CCDC15: variants seen among roughly 807,000 people sequenced by gnomAD.
The protein encoded by CCDC15 is coiled-coil domain containing 15.
A neutral mutation model predicts 114.5 loss-of-function variants in CCDC15; 105 were observed. The observed-to-expected ratio is 0.92, with a 90% confidence interval of 0.78 to 1.08. The LOEUF (loss-of-function observed/expected upper bound fraction) is 1.08. Ranked by LOEUF, CCDC15 falls within the 50% of genes least tolerant of loss-of-function variation. CCDC15 has a pLI of 0.00. For missense variants in CCDC15, 1,105 were observed against 1,093.6 expected (o/e 1.01, Z -0.15); for synonymous variants, 334 against 377.8 (o/e 0.88, Z 1.34).
At chr11:125,022,547 C>T (rs1382348266) in intron 13 of CCDC15, among the ~76,000 whole-genome samples, 5 of 152,024 alleles carry the variant, frequency 3.3e-5, no homozygotes, top group Admixed American at 3.3e-4. Flanking sequence ...GACTTGGTTT[C>T]ACAAATACCA....
chr11:125,038,915 G>A lies in CCDC15; in HGVS notation c.2586-6G>A. 1 of 1,608,400 alleles carries A rather than the reference G, an allele frequency of 6.2e-7. No homozygotes were observed. The highest frequency in any genetic ancestry group is 1.1e-5 in the South Asian group (1 of 89,918). The stretch of plus-strand genomic sequence containing the variant: ...CACTTTGCCTGATTATACTTTATTT[G>A]TACAGATATGTAGAAGCTTTACGAG... On this transcript the variant is annotated splice_region_variant and splice_polypyrimidine_tract_variant and intron_variant, in intron 14 of 15. Coordinates refer to ENST00000344762, the MANE Select transcript of CCDC15 (RefSeq NM_025004.3).
intron 13 of CCDC15, among the ~76,000 whole-genome samples, chr11:125,020,693 T>C (rs78011755): frequency 0.044 from 6,700 of 152,036 alleles, 177 homozygotes; most frequent in Middle Eastern, 0.065. Context: ...AACGGATAAA[T>C]TGACATATTG....
At chr11:124,973,523 T>G (rs1316186162) in intron 4 of CCDC15, among the ~76,000 whole-genome samples, 1 of 152,032 alleles carries the variant, frequency 6.6e-6, no homozygotes, top group Non-Finnish European at 1.5e-5. Context: ...GTTATAGACC[T>G]CTGAAAACAA....
At chr11:125,035,581 TATC>T (rs1295715419) in intron 13 of CCDC15, among the ~76,000 whole-genome samples, 4 of 152,110 alleles carry the variant, frequency 2.6e-5, no homozygotes, top group Admixed American at 6.6e-5. Flanking sequence ...CATTCAATGT[TATC>T]ATTGTTAAGT....
intron 13 of CCDC15, among the ~76,000 whole-genome samples, chr11:125,014,757 A>C (rs976228547): frequency 6.6e-6 from 1 of 152,152 alleles, no homozygotes; most frequent in Non-Finnish European, 1.5e-5. Context: ...CAGCACAACC[A>C]CTTTGGAAAA....
At chr11:124,959,285 G>C (rs778550545) in intron 3 of CCDC15, 21 bp downstream of exon 3, 2 of 1,545,370 alleles carry the variant, frequency 1.3e-6, no homozygotes, top group East Asian at 2.3e-5. Flanking sequence ...AAGTGAGCCT[G>C]AGTAAAGATT....
At chr11:125,004,970 A>T in intron 12 of CCDC15, 139 bp from the exon 13 acceptor site, 1 of 485,554 alleles carries the variant, frequency 2.1e-6, no homozygotes, top group Non-Finnish European at 3.7e-6. Flanking sequence ...GAAGGAAATT[A>T]AAGACTTAAT....
intron 8 of CCDC15, among the ~76,000 whole-genome samples, chr11:124,989,060 A>G (rs929457453): frequency 2.2e-4 from 34 of 152,364 alleles, no homozygotes; most frequent in Middle Eastern, 3.4e-3. Flanking sequence ...GAGGGTATCA[A>G]CTTACTTTGC....
intron 13 of CCDC15, among the ~76,000 whole-genome samples, chr11:125,032,107 T>C (rs951274368): frequency 2.6e-5 from 4 of 152,204 alleles, no homozygotes; most frequent in African/African-American, 9.6e-5. Context: ...ATAAATTCAG[T>C]GTGTTTGCTA....
chr11:124,993,052 G>A, intron 10 of CCDC15, 117 bp from the exon 11 acceptor site: 1 of 643,350 alleles, frequency 1.6e-6, no homozygotes, highest in East Asian at 2.8e-5. Flanking sequence ...CTTTAACTGT[G>A]TTCTATTATC....
intron 13 of CCDC15, among the ~76,000 whole-genome samples, chr11:125,025,273 T>C (rs1368495299): frequency 1.3e-5 from 2 of 150,762 alleles, no homozygotes; most frequent in African/African-American, 2.4e-5. Flanking sequence ...TAATAATGTA[T>C]TATCCTTTTA....
At chr11:124,969,475 C>G (rs1371162177) in intron 4 of CCDC15, among the ~76,000 whole-genome samples, 2 of 152,106 alleles carry the variant, frequency 1.3e-5, no homozygotes, top group Admixed American at 1.3e-4. Context: ...CATATAATAA[C>G]TTTTTATTGA....
chr11:124,976,944 A>C (rs544259573), intron 5 of CCDC15, among the ~76,000 whole-genome samples: 3 of 152,258 alleles, frequency 2.0e-5, no homozygotes, highest in African/African-American at 7.2e-5. Flanking sequence ...TACAATTGGG[A>C]ATGATCTAAG....
intron 2 of CCDC15, among the ~76,000 whole-genome samples, chr11:124,958,462 GT>G (rs1427666415): frequency 6.6e-6 from 1 of 152,010 alleles, no homozygotes; most frequent in African/African-American, 2.4e-5. Flanking sequence ...GACACCCCTG[GT>G]TTAGAATATG....
intron 13 of CCDC15, among the ~76,000 whole-genome samples, chr11:125,028,566 G>A (rs985941134): frequency 6.6e-6 from 1 of 152,050 alleles, no homozygotes; most frequent in Non-Finnish European, 1.5e-5. Flanking sequence ...AAGGGACTGA[G>A]TTCTTGATTT....
chr11:124,965,077 A>C (rs1015445703), intron 4 of CCDC15, among the ~76,000 whole-genome samples: 11 of 152,186 alleles, frequency 7.2e-5, no homozygotes, highest in Non-Finnish European at 1.5e-4. Flanking sequence ...ATCGATGTTC[A>C]TCAGGGATAT....
At chr11:125,032,967 A>G (rs1948750941) in intron 13 of CCDC15, among the ~76,000 whole-genome samples, 1 of 152,180 alleles carries the variant, frequency 6.6e-6, no homozygotes, top group South Asian at 2.1e-4. Flanking sequence ...CCCTTTTCCC[A>G]GTGCACAGTT....
intron 1 of CCDC15, 58 bp from the exon 2 acceptor site, chr11:124,954,666 G>A: frequency 1.3e-6 from 2 of 1,509,656 alleles, no homozygotes; most frequent in Non-Finnish European, 1.8e-6. Context: ...TGTGTTAGGA[G>A]GTTGAACTTT....
At chr11:125,021,324 G>GA (rs1218492851) in intron 13 of CCDC15, among the ~76,000 whole-genome samples, 2 of 151,782 alleles carry the variant, frequency 1.3e-5, no homozygotes, top group African/African-American at 4.8e-5. Flanking sequence ...AATTAGGACT[G>GA]AAAAATGTTC....
Sources: gnomAD v4.1 joint callset for allele counts (sites outside exome capture counted in the v4.1 genomes callset) on GRCh38, gnomAD v4.1.1 for gene constraint, MANE v1.5 for transcripts, NCBI Gene and HGNC (gene_info 2026-07-23, HGNC 2026-07-21) for gene names.